BCL2L11: variants seen among roughly 807,000 people sequenced by gnomAD.
BCL2L11 encodes BCL2 like 11, also known as bcl-2-like protein 11.
A neutral mutation model predicts 20.6 loss-of-function variants in BCL2L11; 15 were observed. The ratio of observed to expected loss-of-function variants is 0.73; its 90% CI spans 0.49 to 1.12. BCL2L11 has a LOEUF of 1.12. Among genes scored for constraint, BCL2L11 ranks in the 50% most tolerant of loss-of-function variants. The pLI, the probability that BCL2L11 is intolerant of heterozygous loss-of-function variation, is 0.00. For synonymous variants in BCL2L11, 108 were observed against 92.8 expected, an observed-to-expected ratio of 1.16 and a Z score of -0.94; for missense variants, 292 against 260.9, an observed-to-expected ratio of 1.12 and a Z score of -0.82.
chr2:111,142,219 C>T, intron 2 of BCL2L11: 1 of 1,057,600 alleles, frequency 9.5e-7, no homozygotes, highest in East Asian at 2.6e-5. Flanking sequence ...AATGAAGACT[C>T]TACCTCCTGT....
Position 111,121,145 on chromosome 2 carries a change from TC to T in BCL2L11, c.-52del. 3.8e-6 allele frequency: 1 copy of T among 263,656 alleles called. No individual in the cohort carries two copies. 16.3% of individuals were successfully genotyped at this position (263,656 alleles called of 1,614,324 possible). On this transcript the variant is annotated 5_prime_UTR_variant, in exon 1 of 4. Transcript: ENST00000393256. ...CTCGGCGCCCTTTCTTGGCCCTTGT[TC>T]CCCCAAATGTCTGACTCTGACTCTC...
At chr2:111,137,772 T>A (rs1485171590) in intron 2 of BCL2L11, among the ~76,000 whole-genome samples, 1 of 152,080 alleles carries the variant, frequency 6.6e-6, no homozygotes, top group Non-Finnish European at 1.5e-5. Context: ...TCTGCCCTTT[T>A]TTTGGCAGAC....
intron 3 of BCL2L11, among the ~76,000 whole-genome samples, chr2:111,160,181 C>G (rs1402965269): frequency 3.3e-5 from 5 of 152,228 alleles, no homozygotes; most frequent in African/African-American, 1.2e-4. Context: ...TCCTCTTGTC[C>G]TTCCAAGAAA....
Position 111,167,073 on chromosome 2 carries a change from T to C in BCL2L11, c.*2842T>C, listed in dbSNP as rs1310950088. ...GATGTGTCCTACTGTTTCATAATGC[T>C]GTAACTTGTAGAAATATTGTATATT... is the stretch of plus-strand genomic sequence containing the variant. On this transcript the variant is annotated 3_prime_UTR_variant, in exon 4 of 4. Transcript: ENST00000393256. 2 of 152,658 alleles carry C rather than the reference T, an allele frequency of 1.3e-5. No homozygotes were observed. Among genetic ancestry groups the C allele is most frequent in the East Asian group, 3.8e-4 (2 of 5,202 alleles). The allele number at this position is 152,658 out of a possible 1,614,324, so 9.5% of individuals were successfully genotyped here.
At chr2:111,156,317 C>T (rs1008087550) in intron 3 of BCL2L11, among the ~76,000 whole-genome samples, 4 of 152,140 alleles carry the variant, frequency 2.6e-5, no homozygotes, top group Non-Finnish European at 4.4e-5. Flanking sequence ...GATAGGTTGC[C>T]CCACACTTCA....
intron 2 of BCL2L11, among the ~76,000 whole-genome samples, chr2:111,130,926 T>C (rs2073823248): frequency 6.6e-6 from 1 of 152,192 alleles, no homozygotes; most frequent in Admixed American, 6.5e-5. Context: ...TTTGCAATGT[T>C]AAGTCTCTCT....
chr2:111,162,583 A>G (rs2078694015), intron 3 of BCL2L11, among the ~76,000 whole-genome samples: 1 of 152,194 alleles, frequency 6.6e-6, no homozygotes, highest in African/African-American at 2.4e-5. Context: ...GTGCTGGAAT[A>G]TGAAACTTAC....
chr2:111,144,106 G>A (rs1047810103), intron 2 of BCL2L11, among the ~76,000 whole-genome samples: 2 of 152,168 alleles, frequency 1.3e-5, no homozygotes, highest in Admixed American at 6.5e-5. Context: ...TGAAAACACT[G>A]GCCTCATCTC....
At chr2:111,123,558 TAC>T in intron 1 of BCL2L11, 173 bp from the exon 2 acceptor site, 2 of 977,802 alleles carry the variant, frequency 2.0e-6, no homozygotes, top group Non-Finnish European at 2.4e-6. Context: ...AAAAAAAAAT[TAC>T]ACCTTTATTA....
At chr2:111,134,337 GGTT>G (rs1372852093) in intron 2 of BCL2L11, among the ~76,000 whole-genome samples, 2 of 151,766 alleles carry the variant, frequency 1.3e-5, no homozygotes, top group African/African-American at 2.4e-5. Context: ...TTTTCTTAGT[GGTT>G]GTTCCAGGTA....
At chr2:111,157,793 G>A (rs940526531) in intron 3 of BCL2L11, among the ~76,000 whole-genome samples, 2 of 152,216 alleles carry the variant, frequency 1.3e-5, no homozygotes, top group African/African-American at 4.8e-5. Flanking sequence ...TTATGCAAAT[G>A]TAGTTTTTAT....
chr2:111,150,622 A>G (rs2077133433), intron 3 of BCL2L11, among the ~76,000 whole-genome samples: 1 of 152,348 alleles, frequency 6.6e-6, no homozygotes, highest in Middle Eastern at 3.4e-3. Context: ...GCAGGGAGCC[A>G]TTGCCCTTGC....
At chr2:111,128,351 T>TA (rs1164705525) in intron 2 of BCL2L11, among the ~76,000 whole-genome samples, 4 of 152,134 alleles carry the variant, frequency 2.6e-5, no homozygotes, top group Non-Finnish European at 4.4e-5. Flanking sequence ...CATCAGGAGA[T>TA]ACTTGGGTTG....
chr2:111,144,145 C>T (rs1388021909), intron 2 of BCL2L11, among the ~76,000 whole-genome samples: 3 of 152,168 alleles, frequency 2.0e-5, no homozygotes, highest in Non-Finnish European at 4.4e-5. Flanking sequence ...AGTATTTTAT[C>T]CTAGCAGCTG....
intron 1 of BCL2L11, among the ~76,000 whole-genome samples, chr2:111,122,057 T>C (rs1574842014): frequency 1.3e-5 from 2 of 151,408 alleles, no homozygotes; most frequent in South Asian, 4.2e-4. Flanking sequence ...GGGCGGAGGG[T>C]GTGAATTTAC....
At chr2:111,141,192 C>T (rs1464956399) in intron 2 of BCL2L11, among the ~76,000 whole-genome samples, 2 of 152,180 alleles carry the variant, frequency 1.3e-5, no homozygotes, top group African/African-American at 4.8e-5. Flanking sequence ...AACTGGCCTA[C>T]ATTGAGTTAG....
chr2:111,146,492 T>G (rs913178968), intron 2 of BCL2L11, among the ~76,000 whole-genome samples: 87 of 152,218 alleles, frequency 5.7e-4, no homozygotes, highest in African/African-American at 2.1e-3. Context: ...TGGAGATTTC[T>G]GTATGCCAAA....
chr2:111,121,834 G>T (rs1465595438), intron 1 of BCL2L11, among the ~76,000 whole-genome samples: 1 of 152,214 alleles, frequency 6.6e-6, no homozygotes, highest in African/African-American at 2.4e-5. Context: ...CCCTGGCAGC[G>T]AGAAATCTAG....
intron 2 of BCL2L11, among the ~76,000 whole-genome samples, chr2:111,126,476 C>T (rs1293496994): frequency 2.0e-5 from 3 of 152,074 alleles, no homozygotes; most frequent in East Asian, 2.0e-4. Context: ...GTTAATGTAC[C>T]GAGGTAAGTT....
Sources: allele counts gnomAD v4.1 joint callset (sites outside exome capture counted in the v4.1 genomes callset), GRCh38; gene constraint gnomAD v4.1.1; transcripts MANE v1.5; gene names NCBI Gene and HGNC (gene_info 2026-07-23, HGNC 2026-07-21).